ATP2B2: variants seen among roughly 807,000 people sequenced by gnomAD.
ATP2B2 encodes the protein ATPase plasma membrane Ca2+ transporting 2, also known as plasma membrane calcium-transporting ATPase 2.
Under a neutral mutation model 120.0 loss-of-function variants are expected in ATP2B2, and 15 were observed. That is an observed-to-expected ratio of 0.12 (90% CI 0.08 to 0.19). The LOEUF (loss-of-function observed/expected upper bound fraction) is 0.19, where lower values mean the gene tolerates loss of function less well. Among genes scored for constraint, ATP2B2 ranks in the 10% least tolerant of loss-of-function variants. The pLI, the probability that ATP2B2 is intolerant of heterozygous loss-of-function variation, is 1.00. For missense variants in ATP2B2, 1,045 were observed against 1,719.8 expected (o/e 0.61, Z 6.94); for synonymous variants, 694 against 700.3 (o/e 0.99, Z 0.14).
intron 5 of ATP2B2, among the ~76,000 whole-genome samples, chr3:10,395,423 T>C (rs1346520830): frequency 6.6e-6 from 1 of 152,016 alleles, no homozygotes; most frequent in African/African-American, 2.4e-5. Flanking sequence ...GATGGCTGTG[T>C]TGTGGTTATG....
chr3:10,677,265 A>T (rs1448927308), intron 1 of ATP2B2, among the ~76,000 whole-genome samples: 1 of 152,224 alleles, frequency 6.6e-6, no homozygotes, highest in African/African-American at 2.4e-5. Flanking sequence ...AAAGACATGG[A>T]GGAATCTCAA....
chr3:10,524,079 G>A (rs780088740), intron 3 of ATP2B2, among the ~76,000 whole-genome samples: 7 of 152,158 alleles, frequency 4.6e-5, no homozygotes, highest in Non-Finnish European at 7.3e-5. Context: ...GGCTGGAGGC[G>A]GATGAGGCCA....
chr3:10,440,818 C>T (rs1429096910), intron 2 of ATP2B2, among the ~76,000 whole-genome samples: 2 of 152,202 alleles, frequency 1.3e-5, no homozygotes, highest in South Asian at 2.1e-4. Context: ...AGGCACCAAT[C>T]CTGGCCAGGT....
upstream of ATP2B2, among the ~76,000 whole-genome samples, chr3:10,508,957 C>T (rs1024820294): frequency 3.9e-5 from 6 of 152,102 alleles, no homozygotes; most frequent in African/African-American, 9.7e-5. Context: ...GGGAGGGGGA[C>T]GGAAGGAGGA....
At chr3:10,630,572 T>C (rs1422357056) in intron 1 of ATP2B2, among the ~76,000 whole-genome samples, 2 of 152,212 alleles carry the variant, frequency 1.3e-5, no homozygotes, top group Non-Finnish European at 1.5e-5. Context: ...CAGTCTACCA[T>C]TGATGGGCAT....
chr3:10,417,074 G>C lies in ATP2B2; in HGVS notation c.200-6259C>G, dbSNP rs1347989690. 1.3e-4 allele frequency among the ~76,000 whole-genome samples: 19 copies of C among 141,940 alleles called. 2 individuals carry two copies. Among genetic ancestry groups the C allele is most frequent in the Admixed American group, 8.1e-4 (12 of 14,882 alleles). The allele number at this position is 141,940 out of a possible 152,430, so 93.1% of individuals were successfully genotyped here. A position where few individuals can be genotyped will look rare whatever the true frequency, so the allele number is the denominator to read the frequency against. On this transcript the variant is annotated intron_variant, in intron 2 of 22. Transcript: ENST00000360273. ...CCTCACTTCCCAGACGGCGGCGGGG[G>C]GGGGCGGGCAGAGGGGCTCCTCATT...
chr3:10,474,071 G>A (rs1385996054), intron 1 of ATP2B2, among the ~76,000 whole-genome samples: 2 of 152,224 alleles, frequency 1.3e-5, no homozygotes, highest in African/African-American at 4.8e-5. Context: ...CAGGTGGGTA[G>A]GGACAGGTCT....
At chr3:10,470,983 G>A (rs1166703378) in intron 1 of ATP2B2, among the ~76,000 whole-genome samples, 2 of 152,226 alleles carry the variant, frequency 1.3e-5, no homozygotes, top group South Asian at 2.1e-4. Context: ...TGGCTGGAGG[G>A]GTGGAGAACG....
intron 2 of ATP2B2, among the ~76,000 whole-genome samples, chr3:10,614,601 G>C (rs74629035): frequency 0.024 from 3,641 of 152,202 alleles, 129 homozygotes; most frequent in African/African-American, 0.081. Flanking sequence ...CTCCCGCATC[G>C]TAGTTGGGTG....
At chr3:10,504,746 TCA>T (rs2066546180) in intron 1 of ATP2B2, among the ~76,000 whole-genome samples, 1 of 152,040 alleles carries the variant, frequency 6.6e-6, no homozygotes, top group Non-Finnish European at 1.5e-5. Context: ...GCCCTATCCC[TCA>T]GCTGGAGACC....
At chr3:10,331,161 T>C (rs1198213294) in intron 22 of ATP2B2, among the ~76,000 whole-genome samples, 2 of 152,256 alleles carry the variant, frequency 1.3e-5, no homozygotes, top group African/African-American at 4.8e-5. Flanking sequence ...GCCTTTATGC[T>C]GGTGCTCCAT....
At chr3:10,429,243 G>A (rs2063236602) in intron 2 of ATP2B2, among the ~76,000 whole-genome samples, 1 of 152,130 alleles carries the variant, frequency 6.6e-6, no homozygotes, top group Admixed American at 6.5e-5. Context: ...TTAAGACAGT[G>A]GAAAATCTCC....
At chr3:10,472,040 C>T (rs985922801) in intron 1 of ATP2B2, among the ~76,000 whole-genome samples, 3 of 144,920 alleles carry the variant, frequency 2.1e-5, no homozygotes, top group Non-Finnish European at 4.5e-5. Context: ...GAGATTGCGC[C>T]ACTGCACTCC....
At chr3:10,496,684 C>T (rs1333035380) in intron 1 of ATP2B2, among the ~76,000 whole-genome samples, 5 of 152,294 alleles carry the variant, frequency 3.3e-5, no homozygotes, top group Admixed American at 3.3e-4. Flanking sequence ...TCCAACCCCG[C>T]CCCTTCCCCC....
Position 10,342,829 on chromosome 3 carries a change from A to C in ATP2B2, c.2840T>G (p.Ile947Ser). The change falls in exon 19 of 23, where the codon ATC (isoleucine) becomes AGC (serine). Residue 947 changes from isoleucine to serine, a missense_variant. By Grantham distance (142) the Ile-to-Ser change is moderately radical (BLOSUM62 -2). Transcript: ENST00000360273. This position sits in a 1 kb window ranked among gnomAD's most constrained non-coding sequence, Gnocchi z 4.4. ...GATGTTCTTCATCATGGTCCTGGAG[A>C]TGAGCGGCTTGTTGCGGCCGTACGG... is the stretch of plus-strand genomic sequence containing the variant. ...RKPYGRNKPL[I>S]SRTMMKNILG... 6.2e-7 allele frequency: 1 copy of C among 1,614,026 alleles called. No homozygotes were observed. Among genetic ancestry groups the C allele is most frequent in the Non-Finnish European group, 8.5e-7 (1 of 1,179,978 alleles).
Position 10,400,937 on chromosome 3 carries a change from T to A in ATP2B2, c.781+16A>T. 3 of 1,613,780 alleles carry A rather than the reference T, an allele frequency of 1.9e-6. No homozygotes were observed. The highest frequency in any genetic ancestry group is 2.5e-6 in the Non-Finnish European group (3 of 1,179,768). ...CATGGCGACGGGAATGGGCCCAACA[T>A]CAGGCTGAAGCTCACCTGACAGCAG... On this transcript the variant is annotated intron_variant, in intron 5 of 22. Transcript: ENST00000360273.
intron 1 of ATP2B2, among the ~76,000 whole-genome samples, chr3:10,640,763 G>A (rs968728733): frequency 1.5e-4 from 23 of 152,064 alleles, no homozygotes; most frequent in Admixed American, 6.5e-4. Context: ...AGGCAGACAA[G>A]AGTAACACGG....
At chr3:10,674,845 C>T (rs991034995) in intron 1 of ATP2B2, among the ~76,000 whole-genome samples, 11 of 152,348 alleles carry the variant, frequency 7.2e-5, no homozygotes, top group East Asian at 3.9e-4. Context: ...TCAACAGGGA[C>T]GCACTGTATT....
At position 10,329,793 on chromosome 3, in the gene ATP2B2, C is replaced by T. The variant is rs745843216; in HGVS notation, c.3421-668G>A. On this transcript the variant is annotated intron_variant, in intron 22 of 22. Coordinates refer to ENST00000360273, the MANE Select transcript of ATP2B2 (RefSeq NM_001001331.4). This position sits in a 1 kb window ranked among gnomAD's most constrained non-coding sequence, Gnocchi z 5.9. ...CAGCCAGAAAGCACATGGGAGCTGG[C>T]GGACAGATGACATTCGGGGGCGGGC... Among the ~76,000 whole-genome samples, 3 of 152,246 alleles carry T rather than the reference C, an allele frequency of 2.0e-5. No homozygotes were observed. Among genetic ancestry groups the T allele is most frequent in the Non-Finnish European group, 2.9e-5 (2 of 68,010 alleles).
Sources: allele counts gnomAD v4.1 joint callset (sites outside exome capture counted in the v4.1 genomes callset), GRCh38; gene constraint gnomAD v4.1.1; non-coding constraint Gnocchi (gnomAD v3.1); transcripts MANE v1.5; gene names NCBI Gene and HGNC (gene_info 2026-07-23, HGNC 2026-07-21).